The following CHLSN variants were observed in gnomAD, a reference collection of about 807,000 sequenced individuals.
CHLSN encodes cholesin.
chr7:1,082,561 C>A, the CHLSN span, among the ~76,000 whole-genome samples: 1 of 152,322 alleles, frequency 6.6e-6, no homozygotes, highest in East Asian at 1.9e-4. Context: ...GGGCCACGCA[C>A]CACACTCTCA....
chr7:1,061,020 C>A, the CHLSN span, among the ~76,000 whole-genome samples: 1 of 150,604 alleles, frequency 6.6e-6, no homozygotes, highest in Non-Finnish European at 1.5e-5. Flanking sequence ...TACTTTCCAG[C>A]CCCCCTTGGC....
chr7:1,080,576 C>T, the CHLSN span, among the ~76,000 whole-genome samples: 7 of 152,354 alleles, frequency 4.6e-5, no homozygotes, highest in Non-Finnish European at 7.3e-5. Flanking sequence ...TGGAACAGGA[C>T]GGTTTGTGCG....
the CHLSN span, among the ~76,000 whole-genome samples, chr7:1,038,190 C>G: frequency 2.1e-5 from 2 of 94,470 alleles, no homozygotes; most frequent in South Asian, 7.9e-4. Context: ...CCAGCCGCCC[C>G]ATCTGGGAGG....
At chr7:1,070,997 CGT>C in the CHLSN span, among the ~76,000 whole-genome samples, 2,528 of 151,650 alleles carry the variant, frequency 0.017, 33 homozygotes, top group Non-Finnish European at 0.027. Context: ...CACACACACA[CGT>C]GCACACGCAC....
At chr7:1,028,235 G>A in the CHLSN span, 8 of 1,086,852 alleles carry the variant, frequency 7.4e-6, no homozygotes, top group African/African-American at 6.8e-5. Flanking sequence ...GCCCGAATGC[G>A]GGCCCTGGCC....
At chr7:1,065,950 C>G in the CHLSN span, among the ~76,000 whole-genome samples, 1 of 152,198 alleles carries the variant, frequency 6.6e-6, no homozygotes, top group Non-Finnish European at 1.5e-5. Flanking sequence ...CAGTGGCCGT[C>G]GGGGTGCCGT....
At chr7:1,068,042 G>T in the CHLSN span, among the ~76,000 whole-genome samples, 2 of 152,156 alleles carry the variant, frequency 1.3e-5, no homozygotes, top group African/African-American at 4.8e-5. Context: ...ACACGCTGCG[G>T]CCCCAGCAAC....
the CHLSN span, among the ~76,000 whole-genome samples, chr7:1,012,890 G>A: frequency 6.6e-6 from 1 of 152,246 alleles, no homozygotes; most frequent in African/African-American, 2.4e-5. Context: ...CACTGTCCTG[G>A]ACCAGGCAAT....
the CHLSN span, among the ~76,000 whole-genome samples, chr7:1,050,198 C>G: frequency 6.6e-6 from 1 of 152,252 alleles, no homozygotes; most frequent in Non-Finnish European, 1.5e-5. Flanking sequence ...CCCAGCCTGC[C>G]TGTGCACCCT....
At chr7:1,029,498 T>C in the CHLSN span, among the ~76,000 whole-genome samples, 1 of 152,166 alleles carries the variant, frequency 6.6e-6, no homozygotes, top group African/African-American at 2.4e-5. Flanking sequence ...CCTGGACTCA[T>C]GTGATTCTCC....
At chr7:1,081,535 T>C in the CHLSN span, among the ~76,000 whole-genome samples, 184 of 152,326 alleles carry the variant, frequency 1.2e-3, 1 homozygote, top group Non-Finnish European at 1.5e-3. Flanking sequence ...CCAGAAAGCC[T>C]GTGCTGGCAT....
chr7:1,000,662 T>A, the CHLSN span: 1 of 817,562 alleles, frequency 1.2e-6, no homozygotes, highest in Non-Finnish European at 2.0e-6. Flanking sequence ...CCCCACCAGG[T>A]ACTACACACC....
chr7:1,001,790 G>GT, the CHLSN span, among the ~76,000 whole-genome samples: 1 of 118,216 alleles, frequency 8.5e-6, no homozygotes, highest in East Asian at 2.9e-4. Context: ...CCTGTGGGTG[G>GT]GGAGTCCTGT....
chr7:997,893 C>G, the CHLSN span: 1 of 1,286,138 alleles, frequency 7.8e-7, no homozygotes, highest in Non-Finnish European at 1.1e-6. Context: ...CCAAGGACAC[C>G]CGGGCCTCAG....
chr7:1,097,468 A>T, the CHLSN span, among the ~76,000 whole-genome samples: 3 of 152,168 alleles, frequency 2.0e-5, no homozygotes, highest in Non-Finnish European at 2.9e-5. The surrounding 1 kb of genome is among the most constrained non-coding windows in gnomAD (Gnocchi z 4.3). Context: ...CTACTCCAAC[A>T]ACAAACAGAC....
the CHLSN span, among the ~76,000 whole-genome samples, chr7:1,022,587 G>A: frequency 4.6e-5 from 7 of 152,154 alleles, no homozygotes; most frequent in African/African-American, 7.2e-5. Flanking sequence ...GGCAACCCTC[G>A]CAGAGTAGCC....
the CHLSN span, among the ~76,000 whole-genome samples, chr7:998,481 G>C: frequency 5.8e-5 from 1 of 17,148 alleles, no homozygotes; most frequent in African/African-American, 1.7e-4. Context: ...TTTTTTTTTT[G>C]AGCCGGTCTT....
the CHLSN span, among the ~76,000 whole-genome samples, chr7:1,090,460 G>A: frequency 1.3e-5 from 2 of 151,656 alleles, no homozygotes; most frequent in African/African-American, 4.9e-5. Context: ...TCGCAGCAGG[G>A]CCAGGGTGAC....
At chr7:1,070,593 CACACACAT>C in the CHLSN span, among the ~76,000 whole-genome samples, 2 of 135,406 alleles carry the variant, frequency 1.5e-5, no homozygotes, top group African/African-American at 2.9e-5. Context: ...CACGGACACG[CACACACAT>C]GCACACATGC....
Sources: gnomAD v4.1 joint callset for allele counts (sites outside exome capture counted in the v4.1 genomes callset) on GRCh38, gnomAD v4.1.1 for gene constraint, Gnocchi (gnomAD v3.1) non-coding constraint, MANE v1.5 for transcripts, NCBI Gene and HGNC (gene_info 2026-07-23, HGNC 2026-07-21) for gene names.